Variants in HERC2 observed in about 807,000 individuals in gnomAD.
HERC2 encodes the protein HECT and RLD domain containing E3 ubiquitin protein ligase 2, also known as E3 ubiquitin-protein ligase HERC2.
Under a neutral mutation model 537.7 loss-of-function variants are expected in HERC2, and 102 were observed. The observed-to-expected ratio is 0.19, with a 90% CI of 0.16 to 0.22. The LOEUF (loss-of-function observed/expected upper bound fraction) is 0.22. Among genes scored for constraint, HERC2 ranks in the 10% least tolerant of loss-of-function variants. The pLI, the probability that HERC2 is intolerant of heterozygous loss-of-function variation, is 1.00. For missense variants in HERC2, 4,236 were observed against 6,198.2 expected (o/e 0.68, Z 10.63); for synonymous variants, 2,224 against 2,466.2 (o/e 0.90, Z 2.91).
intron 35 of HERC2, among the ~76,000 whole-genome samples, chr15:28,225,214 C>A (rs1198024183): frequency 6.6e-6 from 1 of 151,906 alleles, no homozygotes; most frequent in Non-Finnish European, 1.5e-5. Flanking sequence ...GACTGTGCCA[C>A]TGTACTTCGG....
intron 9 of HERC2, 38 bp from the exon 10 acceptor site, chr15:28,270,906 G>A: frequency 2.5e-6 from 4 of 1,582,592 alleles, no homozygotes; most frequent in Non-Finnish European, 3.5e-6. Flanking sequence ...AGAAATGGTG[G>A]GAAAAATTAA....
Position 28,168,543 on chromosome 15 carries a change from A to T in HERC2, c.10277T>A (p.Val3426Glu). The change falls in exon 67 of 93, where the codon GTG becomes GAG. Residue 3426 changes from valine (V) to glutamate (E), a missense_variant. Val to Glu is a moderately radical substitution (Grantham distance 121, BLOSUM62 -2). Coordinates refer to ENST00000261609, the MANE Select transcript of HERC2 (RefSeq NM_004667.6). ...CGCCGAGGAGAACGAGGGGCACTCCACCGGGGCGATCATGGCGGCCGGCAT... is the reference window on the plus strand; with the variant it reads ...CGCCGAGGAGAACGAGGGGCACTCCTCCGGGGCGATCATGGCGGCCGGCAT... ...ALMPAAMIAP[V>E]ECPSFSSAAP... 3 of 1,614,230 alleles carry T rather than the reference A, an allele frequency of 1.9e-6. No homozygotes were observed. Among genetic ancestry groups the T allele is most frequent in the Non-Finnish European group, 2.5e-6 (3 of 1,180,026 alleles).
intron 3 of HERC2, among the ~76,000 whole-genome samples, chr15:28,296,300 T>G (rs1038586805): frequency 6.6e-6 from 1 of 151,898 alleles, no homozygotes; most frequent in African/African-American, 2.4e-5. Flanking sequence ...ATGGTGAAAC[T>G]CCATCTTTAT....
In HERC2 at chr15:28,233,153, T is replaced by C. The variant is rs756145180; in HGVS notation, c.4668A>G (p.Lys1556=). The C allele has an allele frequency of 4.3e-5, 69 of 1,611,074 alleles. No individual in the cohort carries two copies. The highest frequency in any genetic ancestry group is 5.8e-5 in the Non-Finnish European group (68 of 1,179,254). The change falls in exon 30 of 93, where the codon AAA becomes AAG. Residue 1556 remains lysine, a synonymous_variant. Transcript: ENST00000261609. The stretch of plus-strand genomic sequence containing the variant: ...GTCCTTTTACATTCTTACCTCTCTT[T>C]TTCCTTCGTTCTCGAATTATCTTTT... ...IAQKIIRERR[K]KRVPKKPEST...
Position 28,111,444 on chromosome 15 carries a change from G to C in HERC2, c.*319C>G. Reference sequence around the variant, plus strand: ...ATCGATTGCACCCACAAGTAAAAAGGCTTTATTCATTTTGGGGATGCTGCA... The same window carrying C: ...ATCGATTGCACCCACAAGTAAAAAGCCTTTATTCATTTTGGGGATGCTGCA... On this transcript the variant is annotated 3_prime_UTR_variant, in exon 93 of 93. Transcript: ENST00000261609. 2.9e-6 allele frequency: 1 copy of C among 343,570 alleles called. No homozygotes were observed. Among genetic ancestry groups the C allele is most frequent in the Non-Finnish European group, 5.2e-6 (1 of 190,558 alleles). 21.3% of individuals were successfully genotyped at this position (343,570 alleles called of 1,614,324 possible).
chr15:28,224,478 G>A (rs544094310), intron 35 of HERC2, among the ~76,000 whole-genome samples: 12 of 152,156 alleles, frequency 7.9e-5, no homozygotes, highest in African/African-American at 2.9e-4. Flanking sequence ...CGCCTCAGCC[G>A]CCCAAAGTGC....
At chr15:28,245,228 C>T (rs939294225) in intron 23 of HERC2, among the ~76,000 whole-genome samples, 1 of 152,118 alleles carries the variant, frequency 6.6e-6, no homozygotes. Flanking sequence ...ACAAGGATTA[C>T]TAATGGAAAA....
chr15:28,261,854 C>T (rs1001250825), intron 15 of HERC2, among the ~76,000 whole-genome samples: 5 of 152,172 alleles, frequency 3.3e-5, no homozygotes, highest in African/African-American at 1.2e-4. Context: ...AGGGAACTGG[C>T]AAGTCTCACT....
chr15:28,145,517 G>A lies in HERC2; in HGVS notation c.11009-713C>T, dbSNP rs183827563. Among the ~76,000 whole-genome samples the A allele has an allele frequency of 9.2e-5, 14 of 152,282 alleles. No individual in the cohort carries two copies. In the East Asian group the frequency reaches 1.7e-3, roughly 19 times the overall value. ...CTGTCAAAGCACCAGAAAAACCCAC[G>A]CCCACTGGGACCATACCATTTCATG... On this transcript the variant is annotated intron_variant, in intron 71 of 92. Coordinates refer to ENST00000261609, the MANE Select transcript of HERC2 (RefSeq NM_004667.6).
chr15:28,257,263 T>A lies in HERC2; in HGVS notation c.2317-2A>T. 6.2e-7 allele frequency: 1 copy of A among 1,612,696 alleles called. No individual in the cohort carries two copies. The highest frequency in any genetic ancestry group is 8.5e-7 in the Non-Finnish European group (1 of 1,178,846). ...AGAACATGATGACCAAGCAAAGCTC[T>A]AAGAGGAAACGCAACAATCTAAAAT... is the stretch of plus-strand genomic sequence containing the variant. On this transcript the variant is annotated splice_acceptor_variant, in intron 16 of 92. Transcript: ENST00000261609. LOFTEE classifies it high-confidence loss of function.
rs1276462375 is a variant in HERC2 at position 28,114,871 on chromosome 15, C to G, written c.13723-69G>C. The G allele has an allele frequency of 3.0e-6, 4 of 1,328,736 alleles. No homozygotes were observed. The African/African-American group carries it at 5.8e-5, about 19-fold the overall frequency. The allele number at this position is 1,328,736 out of a possible 1,614,324, so 82.3% of individuals were successfully genotyped here. A position where few individuals can be genotyped will look rare whatever the true frequency, so the allele number is the denominator to read the frequency against. The stretch of plus-strand genomic sequence containing the variant: ...ATCTCCATCCCAGACTCCAGTCCAC[C>G]CAGCACACTCTGTCAAGCAGGAACC... On this transcript the variant is annotated intron_variant, in intron 89 of 92. Transcript: ENST00000261609.
chr15:28,121,861 G>GGGAGCACCGC (rs1888928335), intron 85 of HERC2, among the ~76,000 whole-genome samples: 1 of 151,802 alleles, frequency 6.6e-6, no homozygotes, highest in Non-Finnish European at 1.5e-5. Flanking sequence ...CCACGGGCCA[G>GGGAGCACCGC]GGAGCACCGC....
At position 28,176,289 on chromosome 15, in the gene HERC2, C is replaced by T. The variant is rs376992464; in HGVS notation, c.9686+139G>A. ...ATTGTCACTAATCCCAACTCAATAT[C>T]CTTTAAAGGACAAAGATGCATGCAT... On this transcript the variant is annotated intron_variant, in intron 63 of 92. Coordinates refer to ENST00000261609, the MANE Select transcript of HERC2 (RefSeq NM_004667.6). The surrounding 1 kb of genome is among the most constrained non-coding windows in gnomAD (Gnocchi z 5.0). 5 of 684,824 alleles carry T rather than the reference C, an allele frequency of 7.3e-6. No homozygotes were observed. The Admixed American group carries it at 8.7e-5, about 12-fold the overall frequency. The allele number at this position is 684,824 out of a possible 1,614,324, so 42.4% of individuals were successfully genotyped here.
At chr15:28,235,987 C>T (rs183821495) in intron 26 of HERC2, among the ~76,000 whole-genome samples, 92 of 152,326 alleles carry the variant, frequency 6.0e-4, no homozygotes, top group African/African-American at 2.1e-3. Flanking sequence ...ATATAACTGA[C>T]TTGAGCCTGG....
chr15:28,269,223 C>A, intron 11 of HERC2, 25 bp downstream of exon 11: 2 of 1,601,508 alleles, frequency 1.2e-6, no homozygotes, highest in Non-Finnish European at 1.7e-6. Context: ...GGGAACACTG[C>A]AGGCACAGTG....
chr15:28,245,638 CAT>C (rs112634055), intron 23 of HERC2, among the ~76,000 whole-genome samples: 2 of 150,462 alleles, frequency 1.3e-5, no homozygotes, highest in South Asian at 2.1e-4. Flanking sequence ...TATGTACACA[CAT>C]ATATATACAC....
chr15:28,114,782 A>T lies in HERC2; in HGVS notation c.13743T>A (p.Pro4581=). The change falls in exon 90 of 93, where the codon CCT becomes CCA. Residue 4581 remains proline, a synonymous_variant. Transcript: ENST00000261609. Reference sequence around the variant, plus strand: ...CATTGTCTCGGATGTACATGAGTCCAGGAATAAAATCCTTATCAACCTTTT... The same window carrying T: ...CATTGTCTCGGATGTACATGAGTCCTGGAATAAAATCCTTATCAACCTTTT... The part of the protein sequence containing the change: ...DLSEVDKDFI[P]GLMYIRDNEA... The T allele has an allele frequency of 6.2e-7, 1 of 1,614,102 alleles. No individual in the cohort carries two copies. The highest frequency in any genetic ancestry group is 8.5e-7 in the Non-Finnish European group (1 of 1,180,004).
rs551746603 is a variant in HERC2, at chr15:28,222,301, T to C, written c.5465-86A>G. ...ACACAAAACATTCACAAAGTACTAATGAAGATCGTAATTTTGAACAATCCA... is the reference window on the plus strand; with the variant it reads ...ACACAAAACATTCACAAAGTACTAACGAAGATCGTAATTTTGAACAATCCA... On this transcript the variant is annotated intron_variant, in intron 35 of 92. Coordinates refer to ENST00000261609, the MANE Select transcript of HERC2 (RefSeq NM_004667.6). The C allele has an allele frequency of 3.9e-4, 249 of 638,066 alleles. No homozygotes were observed. In the African/African-American group the frequency reaches 4.0e-3, roughly 10 times the overall value. The allele number at this position is 638,066 out of a possible 1,614,324, so 39.5% of individuals were successfully genotyped here. A position where few individuals can be genotyped will look rare whatever the true frequency, so the allele number is the denominator to read the frequency against.
At position 28,179,168 on chromosome 15, in the gene HERC2, G is replaced by A. The variant is rs977585769; in HGVS notation, c.8993C>T (p.Ala2998Val). The A allele has an allele frequency of 2.1e-5, 34 of 1,612,870 alleles. No individual in the cohort carries two copies. The highest frequency in any genetic ancestry group is 2.8e-5 in the Non-Finnish European group (33 of 1,179,536). The change falls in exon 58 of 93, where the codon GCT becomes GTT. Residue 2998 changes from alanine to valine, a missense_variant. Coordinates refer to ENST00000261609, the MANE Select transcript of HERC2 (RefSeq NM_004667.6). ...TGCAAACAAACTTTTAGATCCACCA[G>A]CCACCTGTACCACATTCAAAGCTGA... ...TLSALNVVQV[A>V]GGSKSLFAVT...
Sources: allele counts gnomAD v4.1 joint callset (sites outside exome capture counted in the v4.1 genomes callset), GRCh38; gene constraint gnomAD v4.1.1; non-coding constraint Gnocchi (gnomAD v3.1); transcripts MANE v1.5; gene names NCBI Gene and HGNC (gene_info 2026-07-23, HGNC 2026-07-21).